HIVEP3: variants seen among roughly 807,000 people sequenced by gnomAD.
HIVEP3 encodes the protein HIVEP zinc finger 3, also known as transcription factor HIVEP3.
Under a neutral mutation model 152.8 loss-of-function variants are expected in HIVEP3, and 49 were observed. That is an observed-to-expected ratio of 0.32 (90% confidence interval 0.26 to 0.41). The LOEUF (loss-of-function observed/expected upper bound fraction) is 0.41. Ranked by LOEUF, HIVEP3 falls within the 10% of genes least tolerant of loss-of-function variation. The pLI, the probability that HIVEP3 is intolerant of heterozygous loss-of-function variation, is 1.00. For missense variants in HIVEP3, 2,790 were observed against 3,103.3 expected, an observed-to-expected ratio of 0.90 and a Z score of 2.40; for synonymous variants, 1,269 against 1,289.0, an observed-to-expected ratio of 0.98 and a Z score of 0.33.
At chr1:41,571,387 C>A (rs1298085968) in intron 5 of HIVEP3, among the ~76,000 whole-genome samples, 1 of 152,178 alleles carries the variant, frequency 6.6e-6, no homozygotes, top group Non-Finnish European at 1.5e-5. Context: ...TCTAAACAAC[C>A]AAGGCAAATG....
rs778479946 is a variant in HIVEP3 at position 41,584,645 on chromosome 1, T to C, written c.153A>G (p.Gln51=). Residue 51 remains glutamine, a synonymous_variant, in exon 4 of 9, where the codon CAA becomes CAG. Coordinates refer to ENST00000372583, the MANE Select transcript of HIVEP3 (RefSeq NM_024503.5). The surrounding 1 kb of genome is among the most constrained non-coding windows in gnomAD (Gnocchi z 5.2). The stretch of plus-strand genomic sequence containing the variant: ...GGAAGGGCTGCGGGGCTAAGAGCTC[T>C]TGGGCGGGGCTCTCTTGGGTGGCAG... ...GTAATQESPA[Q]ELLAPQPFPG... 1.1e-5 allele frequency: 18 copies of C among 1,600,548 alleles called. No homozygotes were observed. Among genetic ancestry groups the C allele is most frequent in the Middle Eastern group, 1.7e-4 (1 of 5,986 alleles).
intron 3 of HIVEP3, among the ~76,000 whole-genome samples, chr1:41,596,641 T>C (rs138043065): frequency 6.6e-6 from 1 of 152,352 alleles, no homozygotes; most frequent in Non-Finnish European, 1.5e-5. Flanking sequence ...ACTGACCACC[T>C]ACCATGCCCA....
Position 41,581,924 on chromosome 1 carries a change from C to A in HIVEP3, c.2874G>T (p.Glu958Asp). 1.2e-6 allele frequency: 2 copies of A among 1,614,106 alleles called. No individual in the cohort carries two copies. Reference protein sequence around the residue: ...SFERDDHGKAEAPSPSSDMRP... With the variant: ...SFERDDHGKADAPSPSSDMRP... ...GCATGTCAGATGAGGGACTGGGGGCCTCGGCTTTCCCATGGTCATCCCTCT... is the reference window on the plus strand; with the variant it reads ...GCATGTCAGATGAGGGACTGGGGGCATCGGCTTTCCCATGGTCATCCCTCT... Residue 958 changes from glutamate (E) to aspartate (D), a missense_variant, in exon 4 of 9, where the codon GAG becomes GAT. Glu to Asp is a conservative substitution (Grantham distance 45). Transcript: ENST00000372583. The surrounding 1 kb of genome is among the most constrained non-coding windows in gnomAD (Gnocchi z 4.5).
Position 41,583,163 on chromosome 1 carries a change from A to G in HIVEP3, c.1635T>C (p.Ser545=). 6.2e-7 allele frequency: 1 copy of G among 1,612,218 alleles called. No individual in the cohort carries two copies. Among genetic ancestry groups the G allele is most frequent in the Non-Finnish European group, 8.5e-7 (1 of 1,179,492 alleles). The change falls in exon 4 of 9, where the codon TCT becomes TCC. Residue 545 remains serine (S), a synonymous_variant. Coordinates refer to ENST00000372583, the MANE Select transcript of HIVEP3 (RefSeq NM_024503.5). The surrounding 1 kb of genome is among the most constrained non-coding windows in gnomAD (Gnocchi z 6.9). ...VPLLRSHSMP[S]AACTISTPHH... is the part of the protein sequence containing the mutation. Reference sequence around the variant, plus strand: ...GGGGGGTGCTGATAGTGCAGGCGGCAGAAGGCATTGAGTGGCTTCTCAGGA... The same window carrying G: ...GGGGGGTGCTGATAGTGCAGGCGGCGGAAGGCATTGAGTGGCTTCTCAGGA...
At chr1:41,793,539 C>T (rs1570552050) in intron 1 of HIVEP3, among the ~76,000 whole-genome samples, 1 of 152,266 alleles carries the variant, frequency 6.6e-6, no homozygotes, top group South Asian at 2.1e-4. Flanking sequence ...TTTCCCACCA[C>T]ATCATAAGCA....
At position 42,002,285 on chromosome 1, in the gene HIVEP3, C is replaced by G. The variant is rs554795450; in HGVS notation, n.119+33522G>C. On this transcript the variant is annotated intron_variant and non_coding_transcript_variant, in intron 1 of 3. Coordinates refer to the HIVEP3 transcript ENST00000489103. ...ACCTTCAGAACAGAGGCCCCAGTGA[C>G]AGGGACCCAGATGGCCCAGCAACCA... 3.9e-5 allele frequency among the ~76,000 whole-genome samples: 6 copies of G among 152,192 alleles called. No homozygotes were observed. The South Asian group carries it at 1.2e-3, about 32-fold the overall frequency.
intron 1 of HIVEP3, among the ~76,000 whole-genome samples, chr1:41,958,890 T>C (rs1338568583): frequency 6.6e-6 from 1 of 152,226 alleles, no homozygotes; most frequent in Non-Finnish European, 1.5e-5. Context: ...AATGGAAGTC[T>C]GTCCAAGGGC....
chr1:41,965,706 AC>A (rs1248903076), intron 1 of HIVEP3, among the ~76,000 whole-genome samples: 3 of 152,066 alleles, frequency 2.0e-5, no homozygotes, highest in African/African-American at 4.8e-5. Flanking sequence ...AATGAACAAA[AC>A]CTCCAAGAAC....
intron 3 of HIVEP3, among the ~76,000 whole-genome samples, chr1:41,611,841 T>A (rs148199605): frequency 6.6e-6 from 1 of 152,330 alleles, no homozygotes; most frequent in East Asian, 1.9e-4. Flanking sequence ...TTTCCCGCCC[T>A]GACATTCTGG....
intron 1 of HIVEP3, among the ~76,000 whole-genome samples, chr1:41,977,105 T>A (rs952121883): frequency 2.6e-5 from 4 of 152,130 alleles, no homozygotes; most frequent in Non-Finnish European, 5.9e-5. Context: ...AGGATGGACA[T>A]GAGCTGAGTG....
At chr1:41,889,300 G>C (rs538620074) in intron 1 of HIVEP3, among the ~76,000 whole-genome samples, 51 of 152,240 alleles carry the variant, frequency 3.3e-4, no homozygotes, top group African/African-American at 1.2e-3. Context: ...TGCATTCCAA[G>C]TCTTTGCTGG....
chr1:41,541,706 G>A (rs571544191), intron 5 of HIVEP3, among the ~76,000 whole-genome samples: 9 of 152,280 alleles, frequency 5.9e-5, no homozygotes, highest in African/African-American at 1.4e-4. Flanking sequence ...CTCCTGAGGC[G>A]GAAACCAGCC....
chr1:41,522,426 T>C (rs1398971181), intron 6 of HIVEP3, among the ~76,000 whole-genome samples: 1 of 152,220 alleles, frequency 6.6e-6, no homozygotes, highest in African/African-American at 2.4e-5. Flanking sequence ...GTTCTAGTCT[T>C]CTAGAAGCCC....
At chr1:41,617,017 C>T (rs191551652) in intron 3 of HIVEP3, among the ~76,000 whole-genome samples, 234 of 152,198 alleles carry the variant, frequency 1.5e-3, no homozygotes, top group African/African-American at 5.2e-3. Flanking sequence ...TGGTGGGATC[C>T]GGATTTGAAC....
intron 5 of HIVEP3, among the ~76,000 whole-genome samples, chr1:41,548,891 C>CT (rs1283209023): frequency 2.0e-5 from 3 of 151,994 alleles, no homozygotes; most frequent in Non-Finnish European, 4.4e-5. Flanking sequence ...TTTTATTATA[C>CT]TTTAAGTTCT....
intron 1 of HIVEP3, among the ~76,000 whole-genome samples, chr1:41,743,052 A>T (rs1423242575): frequency 6.6e-6 from 1 of 151,994 alleles, no homozygotes; most frequent in South Asian, 2.1e-4. Context: ...GGGCAATACC[A>T]CATCATGAGG....
chr1:41,798,289 TAAAAAA>T (rs879873684), intron 1 of HIVEP3, among the ~76,000 whole-genome samples: 1 of 140,722 alleles, frequency 7.1e-6, no homozygotes, highest in Non-Finnish European at 1.6e-5. Flanking sequence ...AAAGTATAAT[TAAAAAA>T]AAAAAAAGAG....
chr1:41,567,920 C>T (rs1644192568), intron 5 of HIVEP3, among the ~76,000 whole-genome samples: 6 of 152,336 alleles, frequency 3.9e-5, no homozygotes, highest in Admixed American at 3.9e-4. Flanking sequence ...TCGTTGTGTC[C>T]TTGATCCTTC....
intron 1 of HIVEP3, among the ~76,000 whole-genome samples, chr1:42,030,061 C>T (rs1356920147): frequency 2.0e-5 from 3 of 152,192 alleles, no homozygotes; most frequent in Non-Finnish European, 2.9e-5. Flanking sequence ...CCGACCCTGC[C>T]CTGTGCTTTC....
Sources: gnomAD v4.1 joint callset for allele counts (sites outside exome capture counted in the v4.1 genomes callset) on GRCh38, gnomAD v4.1.1 for gene constraint, Gnocchi (gnomAD v3.1) non-coding constraint, MANE v1.5 for transcripts, NCBI Gene and HGNC (gene_info 2026-07-23, HGNC 2026-07-21) for gene names.